The following NTF3 variants were observed in gnomAD, a reference collection of about 807,000 sequenced individuals.
NTF3 encodes neurotrophin-3.
In NTF3, 8 loss-of-function variants were observed where a neutral mutation model predicts 26.3. That is an observed-to-expected ratio of 0.30 (90% CI 0.18 to 0.55). The LOEUF (loss-of-function observed/expected upper bound fraction) is 0.55. Among genes scored for constraint, NTF3 ranks in the 20% least tolerant of loss-of-function variants. The pLI is 0.93. For synonymous variants in NTF3, 154 were observed against 145.5 expected, an observed-to-expected ratio of 1.06 and a Z score of -0.42; for missense variants, 276 against 352.9, an observed-to-expected ratio of 0.78 and a Z score of 1.75.
At chr12:5,484,404 T>C (rs1404252442) in intron 1 of NTF3, among the ~76,000 whole-genome samples, 2 of 152,214 alleles carry the variant, frequency 1.3e-5, no homozygotes, top group South Asian at 2.1e-4. Context: ...CAGGTTAATA[T>C]GTCAACTAGA....
rs777521890 is a variant in NTF3, at chr12:5,494,884, G to A, written c.709G>A (p.Val237Ile). 21 of 1,614,006 alleles carry A rather than the reference G, an allele frequency of 1.3e-5. No individual in the cohort carries two copies. The highest frequency in any genetic ancestry group is 1.7e-5 in the Admixed American group (1 of 59,992). ...TCAGTGCAAAACATCCCAAACCTAC[G>A]TCCGAGCACTGACTTCAGAGAACAA... ...NSQCKTSQTY[V>I]RALTSENNKL... The change falls in exon 2 of 2, where the codon GTC (valine) becomes ATC (isoleucine). Residue 237 changes from valine to isoleucine, a missense_variant. Coordinates refer to ENST00000423158, the MANE Select transcript of NTF3 (RefSeq NM_001102654.2). This position sits in a 1 kb window ranked among gnomAD's most constrained non-coding sequence, Gnocchi z 8.3.
At chr12:5,474,567 G>C (rs771368025) in intron 1 of NTF3, among the ~76,000 whole-genome samples, 16 of 152,208 alleles carry the variant, frequency 1.1e-4, no homozygotes, top group Non-Finnish European at 2.4e-4. Context: ...GGAGCCAGAC[G>C]ATGAAGGGCA....
At chr12:5,432,865 C>A (rs1409504521) in intron 1 of NTF3, among the ~76,000 whole-genome samples, 1 of 151,858 alleles carries the variant, frequency 6.6e-6, no homozygotes, top group Non-Finnish European at 1.5e-5. Flanking sequence ...GACAGAACTC[C>A]GGGCGGGGAG....
intron 1 of NTF3, among the ~76,000 whole-genome samples, chr12:5,442,430 A>G (rs1243668193): frequency 1.3e-5 from 2 of 151,894 alleles, no homozygotes; most frequent in African/African-American, 2.4e-5. Context: ...GGGCTTGGGG[A>G]GGTGTAGGTG....
intron 1 of NTF3, among the ~76,000 whole-genome samples, chr12:5,478,668 G>A (rs1324307175): frequency 6.6e-6 from 1 of 152,212 alleles, no homozygotes; most frequent in Non-Finnish European, 1.5e-5. Flanking sequence ...TTTTAATCTG[G>A]TCATTTAGAC....
chr12:5,469,789 A>G (rs1940641999), intron 1 of NTF3, among the ~76,000 whole-genome samples: 1 of 152,150 alleles, frequency 6.6e-6, no homozygotes, highest in Admixed American at 6.6e-5. Context: ...GACTCATGGC[A>G]TCCACTGTTT....
At chr12:5,450,099 T>C in intron 1 of NTF3, among the ~76,000 whole-genome samples, 1 of 152,192 alleles carries the variant, frequency 6.6e-6, no homozygotes, top group African/African-American at 2.4e-5. Flanking sequence ...CATTGGGGTC[T>C]GTAGCCTGGA....
At chr12:5,483,509 G>GATC (rs1940832510) in intron 1 of NTF3, among the ~76,000 whole-genome samples, 1 of 152,212 alleles carries the variant, frequency 6.6e-6, no homozygotes, top group South Asian at 2.1e-4. Context: ...GACATTACAA[G>GATC]ATGACGGCTC....
intron 1 of NTF3, among the ~76,000 whole-genome samples, chr12:5,446,682 A>G (rs538202875): frequency 7.2e-5 from 11 of 152,352 alleles, no homozygotes; most frequent in African/African-American, 2.6e-4. Flanking sequence ...CAAATTGTAG[A>G]GTGGACCATA....
chr12:5,432,810 C>A (rs968642691), intron 1 of NTF3, among the ~76,000 whole-genome samples: 2 of 152,128 alleles, frequency 1.3e-5, no homozygotes, highest in Admixed American at 1.3e-4. Flanking sequence ...CCGCCTGCTC[C>A]TCCGAGAAAG....
At chr12:5,444,486 T>C (rs979442147) in intron 1 of NTF3, among the ~76,000 whole-genome samples, 1 of 151,960 alleles carries the variant, frequency 6.6e-6, no homozygotes, top group African/African-American at 2.4e-5. Context: ...CTGGTGAAAG[T>C]AGGAGGAGAT....
intron 1 of NTF3, among the ~76,000 whole-genome samples, chr12:5,464,217 G>A (rs1307189122): frequency 1.3e-5 from 2 of 152,194 alleles, no homozygotes; most frequent in Admixed American, 6.5e-5. Context: ...CTTTTGACTG[G>A]TTCGTGTGCT....
intron 1 of NTF3, among the ~76,000 whole-genome samples, chr12:5,443,202 AC>A (rs1203356614): frequency 6.6e-6 from 1 of 152,092 alleles, no homozygotes; most frequent in African/African-American, 2.4e-5. Context: ...CTGCCCTGTG[AC>A]CCAGGGCCTT....
At position 5,450,188 on chromosome 12, in the gene NTF3, G is replaced by C. The variant is rs145034054; in HGVS notation, c.18+17846G>C. On this transcript the variant is annotated intron_variant, in intron 1 of 1. Transcript: ENST00000423158. Reference sequence around the variant, plus strand: ...GGATTTAGAAGAGCAACAGACAGCTGTTCCTCTGGGCCTCTCCAAGAACAC... The same window carrying C: ...GGATTTAGAAGAGCAACAGACAGCTCTTCCTCTGGGCCTCTCCAAGAACAC... 2.4e-4 allele frequency among the ~76,000 whole-genome samples: 36 copies of C among 152,318 alleles called. 1 individual carries two copies. In the East Asian group the frequency reaches 6.6e-3, roughly 28 times the overall value.
Position 5,495,151 on chromosome 12 carries a change from C to A in NTF3, c.*163C>A. The stretch of plus-strand genomic sequence containing the variant: ...CTTTTTTCTCAATAAAATCAGTGTG[C>A]TTGCCTTCCCTCAGGCCTCTCCCAT... On this transcript the variant is annotated 3_prime_UTR_variant, in exon 2 of 2. Coordinates refer to ENST00000423158, the MANE Select transcript of NTF3 (RefSeq NM_001102654.2). The A allele has an allele frequency of 1.3e-6, 1 of 760,402 alleles. No homozygotes were observed. Among genetic ancestry groups the A allele is most frequent in the Non-Finnish European group, 2.1e-6 (1 of 480,862 alleles). The allele number at this position is 760,402 out of a possible 1,614,324, so 47.1% of individuals were successfully genotyped here.
chr12:5,470,283 C>T (rs1940648793), intron 1 of NTF3, among the ~76,000 whole-genome samples: 1 of 152,220 alleles, frequency 6.6e-6, no homozygotes, highest in Non-Finnish European at 1.5e-5. Context: ...AGAAGTTATA[C>T]AGCTGGGATT....
chr12:5,484,554 G>A (rs1940844532), intron 1 of NTF3, among the ~76,000 whole-genome samples: 2 of 152,036 alleles, frequency 1.3e-5, no homozygotes, highest in Admixed American at 1.3e-4. Context: ...TGGTTTTTTA[G>A]CAGAAGGATT....
At chr12:5,491,594 C>G (rs747193868) in intron 1 of NTF3, among the ~76,000 whole-genome samples, 1 of 151,984 alleles carries the variant, frequency 6.6e-6, no homozygotes, top group Non-Finnish European at 1.5e-5. Flanking sequence ...GTGATTTGAG[C>G]AGCAGTGAGT....
intron 1 of NTF3, among the ~76,000 whole-genome samples, chr12:5,457,101 G>A (rs768170728): frequency 6.6e-6 from 1 of 152,198 alleles, no homozygotes; most frequent in Non-Finnish European, 1.5e-5. Context: ...GAGGAAACAG[G>A]AAGTGCTTTG....
Sources: allele counts gnomAD v4.1 joint callset (sites outside exome capture counted in the v4.1 genomes callset), GRCh38; gene constraint gnomAD v4.1.1; non-coding constraint Gnocchi (gnomAD v3.1); transcripts MANE v1.5; gene names NCBI Gene and HGNC (gene_info 2026-07-23, HGNC 2026-07-21).